The following MCPH1 variants were observed in gnomAD, a reference collection of about 807,000 sequenced individuals.
The protein encoded by MCPH1 is microcephalin.
In MCPH1, 104 loss-of-function variants were observed where a neutral mutation model predicts 84.5. The observed-to-expected ratio is 1.23, with a 90% confidence interval of 1.05 to 1.45. MCPH1 has a LOEUF of 1.45. Among genes scored for constraint, MCPH1 ranks in the 40% most tolerant of loss-of-function variants. The probability of loss-of-function intolerance (pLI) is 0.00; values close to 1 mark genes in which losing one functional copy is unlikely to be tolerated. For missense variants in MCPH1, 1,498 were observed against 1,005.7 expected (o/e 1.49, Z -6.62); for synonymous variants, 514 against 366.8 (o/e 1.40, Z -4.58).
At chr8:6,428,299 G>C (rs984907463) in intron 3 of MCPH1, among the ~76,000 whole-genome samples, 2 of 151,576 alleles carry the variant, frequency 1.3e-5, no homozygotes, top group Non-Finnish European at 2.9e-5. Context: ...CATTAGCCTG[G>C]GCCTACACAG....
Position 6,562,602 on chromosome 8 carries a change from G to A in MCPH1, c.2215-58852G>A, listed in dbSNP as rs1393281523. 6.4e-6 allele frequency: 5 copies of A among 783,200 alleles called. No individual in the cohort carries two copies. The Admixed American group carries it at 1.6e-4, about 25-fold the overall frequency. The allele number at this position is 783,200 out of a possible 1,614,324, so 48.5% of individuals were successfully genotyped here. On this transcript the variant is annotated intron_variant, in intron 12 of 13. Coordinates refer to ENST00000344683, the MANE Select transcript of MCPH1 (RefSeq NM_024596.5). ...TTAAAACCTGAGCTGCTGCCAAGCT[G>A]ATCTTAATAGCATGTTCACAAAGAC...
chr8:6,640,536 T>C (rs959324444), intron 13 of MCPH1, among the ~76,000 whole-genome samples: 2 of 152,208 alleles, frequency 1.3e-5, no homozygotes, highest in Admixed American at 6.5e-5. Flanking sequence ...TGTTTTGAAA[T>C]TGGGTTATTT....
chr8:6,557,795 C>G (rs1824881418), intron 12 of MCPH1, among the ~76,000 whole-genome samples: 1 of 151,880 alleles, frequency 6.6e-6, no homozygotes, highest in Non-Finnish European at 1.5e-5. Context: ...AAATTGTGAA[C>G]AGCTAATTGG....
At chr8:6,612,002 G>A (rs1830321672) in intron 12 of MCPH1, among the ~76,000 whole-genome samples, 1 of 152,164 alleles carries the variant, frequency 6.6e-6, no homozygotes, top group Non-Finnish European at 1.5e-5. Flanking sequence ...GACCTTGCGG[G>A]GGTGGGGCTG....
chr8:6,409,286 G>C lies in MCPH1; in HGVS notation c.30G>C (p.Val10=). The part of the protein sequence containing the change: MAAPILKDV[V]AYVEVWSSNG... ...TTCATATCTTGTTTTCAGATGTAGTGGCCTATGTTGAAGTGTGGTCATCCA... is the reference window on the plus strand; with the variant it reads ...TTCATATCTTGTTTTCAGATGTAGTCGCCTATGTTGAAGTGTGGTCATCCA... The change falls in exon 2 of 14, where the codon GTG becomes GTC. Residue 10 remains valine (V), a synonymous_variant. Transcript: ENST00000344683. The C allele has an allele frequency of 6.2e-7, 1 of 1,612,250 alleles. No individual in the cohort carries two copies. The highest frequency in any genetic ancestry group is 8.5e-7 in the Non-Finnish European group (1 of 1,178,348).
intron 12 of MCPH1, chr8:6,563,113 C>A: frequency 1.7e-6 from 1 of 585,286 alleles, no homozygotes. Context: ...GCTGTGTTCT[C>A]TCCAGGCATG....
chr8:6,498,806 A>T (rs1432558080), intron 11 of MCPH1, among the ~76,000 whole-genome samples: 2 of 152,040 alleles, frequency 1.3e-5, no homozygotes, highest in African/African-American at 2.4e-5. Flanking sequence ...AATAACATGC[A>T]TTGAGGCTGA....
intron 5 of MCPH1, among the ~76,000 whole-genome samples, chr8:6,438,076 CTCTT>C (rs1318423193): frequency 1.3e-5 from 2 of 152,210 alleles, no homozygotes; most frequent in Non-Finnish European, 2.9e-5. Flanking sequence ...GATCTGGCCT[CTCTT>C]TCTAGCCTCA....
intron 9 of MCPH1, among the ~76,000 whole-genome samples, chr8:6,475,974 G>T (rs1808396901): frequency 6.6e-6 from 1 of 152,172 alleles, no homozygotes; most frequent in African/African-American, 2.4e-5. Flanking sequence ...GCAGGTGGAA[G>T]CTGTCGAGGG....
chr8:6,517,029 G>A (rs1266450322), intron 12 of MCPH1, among the ~76,000 whole-genome samples: 1 of 152,218 alleles, frequency 6.6e-6, no homozygotes, highest in Non-Finnish European at 1.5e-5. Context: ...CAGAGGATTT[G>A]TAAAAACTGG....
intron 13 of MCPH1, among the ~76,000 whole-genome samples, chr8:6,641,084 C>A (rs919872109): frequency 6.6e-6 from 1 of 152,120 alleles, no homozygotes; most frequent in Non-Finnish European, 1.5e-5. Context: ...TAAAAATCAT[C>A]TTCCTATGCA....
chr8:6,578,971 C>T (rs774013454), intron 12 of MCPH1, among the ~76,000 whole-genome samples: 2 of 152,178 alleles, frequency 1.3e-5, no homozygotes, highest in Non-Finnish European at 1.5e-5. Flanking sequence ...TAGCATTGGG[C>T]CAGCCATCCA....
At chr8:6,606,769 A>G (rs1006229552) in intron 12 of MCPH1, among the ~76,000 whole-genome samples, 9 of 152,172 alleles carry the variant, frequency 5.9e-5, no homozygotes, top group Non-Finnish European at 1.3e-4. Context: ...GTGGGAGGTA[A>G]TTGAATCACA....
At position 6,527,760 on chromosome 8, in the gene MCPH1, C is replaced by T; in HGVS notation, c.2214+27831C>T. The stretch of plus-strand genomic sequence containing the variant: ...CTTCCTTTTCATTAAAGTACCCAAG[C>T]TACAGGAAAACATAACAAAAACATT... On this transcript the variant is annotated intron_variant, in intron 12 of 13. Transcript: ENST00000344683. 3 of 1,260,858 alleles carry T rather than the reference C, an allele frequency of 2.4e-6. No homozygotes were observed. The South Asian group carries it at 4.4e-5, about 19-fold the overall frequency. 78.1% of individuals were successfully genotyped at this position (1,260,858 alleles called of 1,614,324 possible).
At chr8:6,449,799 A>T (rs1384458969) in intron 8 of MCPH1, among the ~76,000 whole-genome samples, 1 of 152,144 alleles carries the variant, frequency 6.6e-6, no homozygotes, top group East Asian at 1.9e-4. Context: ...ATCGTTGCTT[A>T]TGTGTGGAAA....
chr8:6,562,093 A>G (rs959496877), intron 12 of MCPH1, among the ~76,000 whole-genome samples: 1 of 152,210 alleles, frequency 6.6e-6, no homozygotes, highest in African/African-American at 2.4e-5. Flanking sequence ...GAGAAACATA[A>G]GGTCTGCTTT....
chr8:6,621,712 A>T, intron 13 of MCPH1, 21 bp downstream of exon 13: 1 of 1,613,966 alleles, frequency 6.2e-7, no homozygotes, highest in South Asian at 1.1e-5. Context: ...AGGCACACAG[A>T]CGCTGTGGTG....
At chr8:6,629,488 G>C (rs1223044089) in intron 13 of MCPH1, among the ~76,000 whole-genome samples, 3 of 152,042 alleles carry the variant, frequency 2.0e-5, no homozygotes, top group Non-Finnish European at 4.4e-5. Flanking sequence ...AATAAAGGAA[G>C]ACAAAGAAAC....
At chr8:6,408,754 G>A (rs996650189) in intron 1 of MCPH1, among the ~76,000 whole-genome samples, 27 of 151,862 alleles carry the variant, frequency 1.8e-4, no homozygotes, top group African/African-American at 5.8e-4. Context: ...TTAGAGACAG[G>A]GTTTCACTAT....
Sources: gnomAD v4.1 joint callset for allele counts (sites outside exome capture counted in the v4.1 genomes callset) on GRCh38, gnomAD v4.1.1 for gene constraint, MANE v1.5 for transcripts, NCBI Gene and HGNC (gene_info 2026-07-23, HGNC 2026-07-21) for gene names.